PTK2B: variants seen among roughly 807,000 people sequenced by gnomAD.
PTK2B encodes the protein protein tyrosine kinase 2 beta, also known as protein-tyrosine kinase 2-beta.
PTK2B carries 71 observed loss-of-function variants against 142.9 expected under a neutral mutation model. The observed-to-expected ratio is 0.50, with a 90% CI of 0.41 to 0.61. The LOEUF is 0.61. Among genes scored for constraint, PTK2B ranks in the 20% least tolerant of loss-of-function variants. PTK2B has a pLI of 0.00. For missense variants in PTK2B, 1,105 were observed against 1,320.4 expected, an observed-to-expected ratio of 0.84 and a Z score of 2.53; for synonymous variants, 519 against 503.4, an observed-to-expected ratio of 1.03 and a Z score of -0.42.
intron 1 of PTK2B, chr8:27,326,931 G>C (rs1213263905): frequency 2.6e-5 from 4 of 152,550 alleles, no homozygotes; most frequent in Non-Finnish European, 5.9e-5. Flanking sequence ...GGGATACCGG[G>C]TGGTTGAGGG....
At chr8:27,405,921 A>G (rs1331793238) in intron 2 of PTK2B, among the ~76,000 whole-genome samples, 2 of 152,268 alleles carry the variant, frequency 1.3e-5, no homozygotes, top group African/African-American at 4.8e-5. Flanking sequence ...CAGAAGGTAT[A>G]TAACCAGTGT....
chr8:27,385,485 T>G (rs1807291536), intron 1 of PTK2B, among the ~76,000 whole-genome samples: 1 of 152,244 alleles, frequency 6.6e-6, no homozygotes, highest in Admixed American at 6.5e-5. Flanking sequence ...AGCCTGATTT[T>G]GGATAGGATC....
chr8:27,403,379 T>G (rs1808495310), intron 2 of PTK2B, among the ~76,000 whole-genome samples: 1 of 152,216 alleles, frequency 6.6e-6, no homozygotes, highest in Admixed American at 6.5e-5. Flanking sequence ...CATGTTTTGG[T>G]CTTTATTCTC....
chr8:27,380,234 G>T (rs1332131775), intron 1 of PTK2B, among the ~76,000 whole-genome samples: 1 of 152,058 alleles, frequency 6.6e-6, no homozygotes, highest in African/African-American at 2.4e-5. Context: ...TCTGATTTTG[G>T]ATCCCTGAGA....
At chr8:27,324,201 C>G (rs536318242), upstream of PTK2B, among the ~76,000 whole-genome samples, 4 of 152,356 alleles carry the variant, frequency 2.6e-5, no homozygotes, top group Admixed American at 2.6e-4. Context: ...ACTTGCCTCT[C>G]CATCCCTGGC....
chr8:27,312,890 TA>T (rs1156805324), intron 2 of PTK2B, among the ~76,000 whole-genome samples: 1 of 152,156 alleles, frequency 6.6e-6, no homozygotes, highest in Non-Finnish European at 1.5e-5. Flanking sequence ...CCATACCTGT[TA>T]GGGGTAGAAG....
intron 1 of PTK2B, among the ~76,000 whole-genome samples, chr8:27,352,336 G>A (rs1377089781): frequency 1.3e-5 from 2 of 152,168 alleles, no homozygotes; most frequent in East Asian, 3.8e-4. Flanking sequence ...CATGACGCAT[G>A]GAAGGCCAAG....
intron 1 of PTK2B, among the ~76,000 whole-genome samples, chr8:27,366,497 A>G (rs569839305): frequency 3.9e-5 from 6 of 152,328 alleles, no homozygotes; most frequent in African/African-American, 1.4e-4. Flanking sequence ...CAGCCAGATC[A>G]TGGTCTTCCA....
intron 23 of PTK2B, 59 bp downstream of exon 23, chr8:27,444,330 C>T: frequency 1.9e-6 from 3 of 1,552,130 alleles, no homozygotes; most frequent in Non-Finnish European, 1.8e-6. Flanking sequence ...GGTCCTGAAA[C>T]TCCATTCTTG....
At chr8:27,332,928 G>A (rs1360685052) in intron 1 of PTK2B, among the ~76,000 whole-genome samples, 1 of 152,160 alleles carries the variant, frequency 6.6e-6, no homozygotes, top group Non-Finnish European at 1.5e-5. Flanking sequence ...AGTATGGTAG[G>A]GGAGGCAATA....
At chr8:27,346,435 A>G (rs369123790) in intron 1 of PTK2B, among the ~76,000 whole-genome samples, 1 of 152,154 alleles carries the variant, frequency 6.6e-6, no homozygotes, top group African/African-American at 2.4e-5. Flanking sequence ...AGTCCCAGCT[A>G]CTCAGGGGGC....
At position 27,440,430 on chromosome 8, in the gene PTK2B, G is replaced by T; in HGVS notation, c.2028G>T (p.Val676=). 1.2e-6 allele frequency: 2 copies of T among 1,613,818 alleles called. No homozygotes were observed. The highest frequency in any genetic ancestry group is 1.7e-6 in the Non-Finnish European group (2 of 1,180,014). The change falls in exon 21 of 31, where the codon GTG becomes GTT. Residue 676 remains valine, a synonymous_variant. Coordinates refer to ENST00000346049, the MANE Select transcript of PTK2B (RefSeq NM_173176.3). ...ACCGGCCCCGCTTCACCGAGCTGGT[G>T]TGCAGCCTCAGGTGAGCATGGAGTG... ...PSDRPRFTEL[V]CSLSDVYQME...
At chr8:27,432,387 C>A in intron 10 of PTK2B, 26 bp downstream of exon 10, 1 of 1,602,824 alleles carries the variant, frequency 6.2e-7, no homozygotes, top group South Asian at 1.1e-5. Flanking sequence ...CACTGGGCAC[C>A]TGGCAGCTCT....
rs77792820 is a variant in PTK2B, at chr8:27,390,265, C to T, written c.-37-7283C>T. ...TGGGTGAAAAGGCAGCCTCAGTGCA[C>T]GGAGCACTGGAGGTAGAAGGGGCTG... On this transcript the variant is annotated intron_variant, in intron 1 of 30. Coordinates refer to ENST00000346049, the MANE Select transcript of PTK2B (RefSeq NM_173176.3). Among the ~76,000 whole-genome samples, 488 of 152,212 alleles carry T rather than the reference C, an allele frequency of 3.2e-3. 10 individuals are homozygous for T. In the East Asian group the frequency reaches 0.036, roughly 11 times the overall value.
intron 2 of PTK2B, among the ~76,000 whole-genome samples, chr8:27,407,345 T>C (rs530756910): frequency 6.6e-6 from 1 of 152,306 alleles, no homozygotes; most frequent in South Asian, 2.1e-4. Flanking sequence ...TTCTTTGCCC[T>C]GGGAACATAA....
At position 27,438,987 on chromosome 8, in the gene PTK2B, G is replaced by C. The variant is rs564676225; in HGVS notation, c.1644-44G>C. The C allele has an allele frequency of 1.9e-5, 29 of 1,513,426 alleles. 1 individual carries two copies. The Admixed American group carries it at 4.8e-4, about 25-fold the overall frequency. 93.7% of individuals were successfully genotyped at this position (1,513,426 alleles called of 1,614,324 possible). On this transcript the variant is annotated intron_variant, in intron 18 of 30. Coordinates refer to ENST00000346049, the MANE Select transcript of PTK2B (RefSeq NM_173176.3). ...CCATCTCTCTGTTCCTGCTCCCATG[G>C]GGGTGGGCAGTGCCTCATCCTGGTC...
intron 1 of PTK2B, among the ~76,000 whole-genome samples, chr8:27,387,543 A>G (rs529161804): frequency 6.6e-6 from 1 of 152,272 alleles, no homozygotes; most frequent in Non-Finnish European, 1.5e-5. Flanking sequence ...GGTCTGCACC[A>G]TGTGATAGGG....
chr8:27,439,528 C>A, intron 20 of PTK2B, 130 bp downstream of exon 20: 1 of 1,040,758 alleles, frequency 9.6e-7, no homozygotes, highest in Non-Finnish European at 1.4e-6. Context: ...TTTGCTGTGG[C>A]CACTGAGAAG....
At chr8:27,438,038 C>T (rs1007307555) in intron 18 of PTK2B, 158 bp downstream of exon 18, 14 of 641,076 alleles carry the variant, frequency 2.2e-5, no homozygotes, top group African/African-American at 2.2e-4. Flanking sequence ...CTCTCTGACC[C>T]TGTGTCCTCA....
Sources: gnomAD v4.1 joint callset for allele counts (sites outside exome capture counted in the v4.1 genomes callset) on GRCh38, gnomAD v4.1.1 for gene constraint, MANE v1.5 for transcripts, NCBI Gene and HGNC (gene_info 2026-07-23, HGNC 2026-07-21) for gene names.